The following CDKL3 variants were observed in gnomAD, a reference collection of about 807,000 sequenced individuals.
CDKL3 encodes the protein cyclin dependent kinase like 3, also known as cyclin-dependent kinase-like 3.
Under a neutral mutation model 69.3 loss-of-function variants are expected in CDKL3, and 65 were observed. The ratio of observed to expected loss-of-function variants is 0.94; its 90% confidence interval spans 0.77 to 1.15. CDKL3 has a LOEUF of 1.15. Ranked by LOEUF, CDKL3 falls within the 50% of genes most tolerant of loss-of-function variation. CDKL3 has a pLI of 0.00. For synonymous variants in CDKL3, 202 were observed against 221.6 expected (o/e 0.91, Z 0.79); for missense variants, 652 against 689.2 (o/e 0.95, Z 0.61).
chr5:134,321,770 T>C (rs1772855594), intron 5 of CDKL3, 21 bp downstream of exon 5: 2 of 1,219,764 alleles, frequency 1.6e-6, no homozygotes, highest in Non-Finnish European at 2.4e-6. Flanking sequence ...ATGTAACTCA[T>C]GTTATTTCAG....
chr5:134,359,141 G>A (rs1755350931), intron 3 of CDKL3, among the ~76,000 whole-genome samples: 2 of 151,908 alleles, frequency 1.3e-5, no homozygotes, highest in Admixed American at 1.3e-4. Context: ...GGCCAGGTGT[G>A]GTGGTTGATT....
At chr5:134,333,544 G>A (rs1022358491) in intron 4 of CDKL3, among the ~76,000 whole-genome samples, 5 of 152,114 alleles carry the variant, frequency 3.3e-5, no homozygotes, top group African/African-American at 1.2e-4. Context: ...TTTTGTCGAA[G>A]GCCTTTTCTG....
chr5:134,345,680 G>C (rs925234711), intron 4 of CDKL3, among the ~76,000 whole-genome samples: 3 of 152,184 alleles, frequency 2.0e-5, no homozygotes, highest in Non-Finnish European at 2.9e-5. Context: ...GATGCTCAGT[G>C]GGGGAGCTTT....
Position 134,299,575 on chromosome 5 carries a change from T to A in CDKL3, c.1720-865A>T, listed in dbSNP as rs1765812695. On this transcript the variant is annotated intron_variant, in intron 12 of 12. Transcript: ENST00000265334. ...GTGAATGTACATATAACTAACAGGA[T>A]TTACGATATACCTGTAAAATTATCT... is the stretch of plus-strand genomic sequence containing the variant. 10 of 1,302,452 alleles carry A rather than the reference T, an allele frequency of 7.7e-6. No individual in the cohort carries two copies. The South Asian group carries it at 1.4e-4, about 18-fold the overall frequency. The allele number at this position is 1,302,452 out of a possible 1,614,324, so 80.7% of individuals were successfully genotyped here. A position where few individuals can be genotyped will look rare whatever the true frequency, so the allele number is the denominator to read the frequency against.
At chr5:134,314,707 G>A (rs1014898934) in intron 6 of CDKL3, among the ~76,000 whole-genome samples, 4 of 152,208 alleles carry the variant, frequency 2.6e-5, no homozygotes, top group Non-Finnish European at 5.9e-5. Flanking sequence ...ACATGAAAGA[G>A]TGCCTACTGT....
At chr5:134,316,681 AAC>A (rs1771186218) in intron 6 of CDKL3, among the ~76,000 whole-genome samples, 1 of 152,198 alleles carries the variant, frequency 6.6e-6, no homozygotes, top group African/African-American at 2.4e-5. Context: ...AAAATGCAAA[AAC>A]AGTTAAATAA....
rs753891922 is a variant in CDKL3 at position 134,306,750 on chromosome 5, C to CATT, written c.1365-49_1365-48insAAT. 36 of 227,642 alleles carry CATT rather than the reference C, an allele frequency of 1.6e-4. 1 individual carries two copies. Among genetic ancestry groups the CATT allele is most frequent in the South Asian group, 2.2e-4 (7 of 32,030 alleles). 14.1% of individuals were successfully genotyped at this position (227,642 alleles called of 1,614,324 possible). A position where few individuals can be genotyped will look rare whatever the true frequency, so the allele number is the denominator to read the frequency against. Reference sequence around the variant, plus strand: ...AAGTTACTAAAACTCCCCAGAAATGCTTTTTTTTTTTTTTTTTTTTTTTTG... The same window carrying CATT: ...AAGTTACTAAAACTCCCCAGAAATGCATTTTTTTTTTTTTTTTTTTTTTTTTTG... On this transcript the variant is annotated intron_variant, in intron 9 of 12. Coordinates refer to ENST00000265334, the MANE Select transcript of CDKL3 (RefSeq NM_001113575.2).
intron 10 of CDKL3, among the ~76,000 whole-genome samples, chr5:134,305,178 C>T (rs1183502253): frequency 6.6e-6 from 1 of 151,970 alleles, no homozygotes; most frequent in Non-Finnish European, 1.5e-5. Context: ...TACAGTGGCG[C>T]CATTACGGCT....
At chr5:134,334,642 C>T (rs1165225825) in intron 4 of CDKL3, among the ~76,000 whole-genome samples, 2 of 152,102 alleles carry the variant, frequency 1.3e-5, no homozygotes, top group Non-Finnish European at 2.9e-5. Context: ...TTTCTTAATC[C>T]TGAGTTCTAA....
At chr5:134,325,178 A>T (rs1441532094) in intron 4 of CDKL3, among the ~76,000 whole-genome samples, 9 of 152,204 alleles carry the variant, frequency 5.9e-5, no homozygotes, top group African/African-American at 1.9e-4. Flanking sequence ...ACACTGTCTC[A>T]TAAGTAAATA....
downstream of CDKL3, chr5:134,298,059 G>A (rs1765470699): frequency 1.3e-5 from 2 of 159,928 alleles, no homozygotes; most frequent in Non-Finnish European, 1.3e-5. Flanking sequence ...TCAGCCTCCT[G>A]AGTAGCTGGG....
At chr5:134,314,768 T>C (rs1228431055) in intron 6 of CDKL3, among the ~76,000 whole-genome samples, 1 of 152,084 alleles carries the variant, frequency 6.6e-6, no homozygotes, top group Non-Finnish European at 1.5e-5. Flanking sequence ...TCTATGGGAA[T>C]AGAAAGCAAA....
At chr5:134,323,201 C>T (rs1294099994) in intron 4 of CDKL3, among the ~76,000 whole-genome samples, 1 of 151,956 alleles carries the variant, frequency 6.6e-6, no homozygotes, top group African/African-American at 2.4e-5. Context: ...AGACAAAATC[C>T]CAGTAAATTA....
At chr5:134,355,257 C>T (rs902059975) in intron 3 of CDKL3, among the ~76,000 whole-genome samples, 2 of 125,536 alleles carry the variant, frequency 1.6e-5, no homozygotes, top group Admixed American at 1.6e-4. Flanking sequence ...AAAAAAAAAA[C>T]AGATATAGTT....
At chr5:134,296,198 A>G (rs983356705), downstream of CDKL3, among the ~76,000 whole-genome samples, 10 of 152,204 alleles carry the variant, frequency 6.6e-5, no homozygotes, top group African/African-American at 2.2e-4. Context: ...CACCCAGCTG[A>G]GTGCTGACAA....
downstream of CDKL3, among the ~76,000 whole-genome samples, chr5:134,284,226 G>C (rs1354299317): frequency 3.3e-5 from 5 of 152,198 alleles, no homozygotes; most frequent in Admixed American, 3.3e-4. Flanking sequence ...TGGTCTGTCT[G>C]AGAAATAGAG....
At chr5:134,284,196 T>C (rs1764751012), downstream of CDKL3, among the ~76,000 whole-genome samples, 1 of 152,180 alleles carries the variant, frequency 6.6e-6, no homozygotes, top group African/African-American at 2.4e-5. Flanking sequence ...CGTAGGTTCT[T>C]TTCTATTTTC....
chr5:134,305,314 A>G (rs1767516991), intron 10 of CDKL3, among the ~76,000 whole-genome samples: 1 of 151,986 alleles, frequency 6.6e-6, no homozygotes, highest in Non-Finnish European at 1.5e-5. Flanking sequence ...AGGGTCCGTT[A>G]TGTCGCCCAG....
downstream of CDKL3, among the ~76,000 whole-genome samples, chr5:134,296,782 TACACACACAC>T (rs36097045): frequency 2.1e-5 from 3 of 141,506 alleles, no homozygotes; most frequent in Non-Finnish European, 3.1e-5. Context: ...ACCCTGTCTC[TACACACACAC>T]ACACACACAC....
Sources: gnomAD v4.1 joint callset for allele counts (sites outside exome capture counted in the v4.1 genomes callset) on GRCh38, gnomAD v4.1.1 for gene constraint, MANE v1.5 for transcripts, NCBI Gene and HGNC (gene_info 2026-07-23, HGNC 2026-07-21) for gene names.